Variants in ABCG2 observed in about 807,000 individuals in gnomAD.
ABCG2 encodes broad substrate specificity ATP-binding cassette transporter ABCG2.
Under a neutral mutation model 73.5 loss-of-function variants are expected in ABCG2, and 80 were observed. The ratio of observed to expected loss-of-function variants is 1.09; its 90% confidence interval spans 0.91 to 1.31. The LOEUF is 1.31. Among genes scored for constraint, ABCG2 ranks in the 50% most tolerant of loss-of-function variants. The probability of loss-of-function intolerance (pLI) is 0.00; values close to 1 mark genes in which losing one functional copy is unlikely to be tolerated. For synonymous variants in ABCG2, 269 were observed against 282.4 expected, an observed-to-expected ratio of 0.95 and a Z score of 0.48; for missense variants, 796 against 786.2, an observed-to-expected ratio of 1.01 and a Z score of -0.15.
rs904121565 is a variant in ABCG2, at chr4:88,178,768, A to G, written c.-19-38754T>C. 3.9e-5 allele frequency among the ~76,000 whole-genome samples: 6 copies of G among 152,168 alleles called. No homozygotes were observed. The East Asian group carries it at 5.8e-4, about 15-fold the overall frequency. On this transcript the variant is annotated intron_variant, in intron 1 of 15. Transcript: ENST00000515655. ...AACCCTGGGGCAGGCAGTACTTGCC[A>G]CAGGCCTGAGACAGTACTGGGCAGT...
intron 1 of ABCG2, among the ~76,000 whole-genome samples, chr4:88,141,677 G>A (rs999235866): frequency 2.0e-5 from 3 of 152,100 alleles, no homozygotes; most frequent in Non-Finnish European, 4.4e-5. Flanking sequence ...CCAGGCATCA[G>A]GAATCTCTCT....
At chr4:88,115,558 A>G (rs1723514853) in intron 7 of ABCG2, among the ~76,000 whole-genome samples, 1 of 150,280 alleles carries the variant, frequency 6.7e-6, no homozygotes, top group Admixed American at 6.7e-5. Flanking sequence ...TGCTGGGATT[A>G]CAGGCATGAG....
At chr4:88,110,813 C>CA (rs898340234) in intron 9 of ABCG2, among the ~76,000 whole-genome samples, 133 of 129,226 alleles carry the variant, frequency 1.0e-3, no homozygotes, top group Middle Eastern at 3.9e-3. Flanking sequence ...TGATCCTTTA[C>CA]AAAAAAAAAA....
chr4:88,134,314 A>T (rs951040314), intron 2 of ABCG2, among the ~76,000 whole-genome samples: 2 of 152,192 alleles, frequency 1.3e-5, no homozygotes, highest in African/African-American at 4.8e-5. Context: ...ACAATTGTAC[A>T]ATGGCTGGTG....
chr4:88,179,194 CAG>C (rs965831256), intron 1 of ABCG2, among the ~76,000 whole-genome samples: 22 of 152,204 alleles, frequency 1.4e-4, no homozygotes, highest in African/African-American at 5.1e-4. Flanking sequence ...CGGCTGAGCA[CAG>C]AGAGAGGGAG....
At chr4:88,099,926 T>C (rs992393514) in intron 11 of ABCG2, among the ~76,000 whole-genome samples, 2 of 152,146 alleles carry the variant, frequency 1.3e-5, no homozygotes, top group African/African-American at 4.8e-5. Flanking sequence ...CTCTTCTTAC[T>C]TCTTCTACTC....
At position 88,121,808 on chromosome 4, in the gene ABCG2, T is replaced by C. The variant is rs2231144; in HGVS notation, c.532-16A>G. ...GAGTTCCAACCTAAATCACAAATATTATAATTGTCAATGATAACAACCAGT... is the reference window on the plus strand; with the variant it reads ...GAGTTCCAACCTAAATCACAAATATCATAATTGTCAATGATAACAACCAGT... On this transcript the variant is annotated splice_polypyrimidine_tract_variant and intron_variant, in intron 5 of 15. Transcript: ENST00000237612. 0.041 allele frequency: 66,311 copies of C among 1,609,852 alleles called. 5,697 individuals carry two copies. Among genetic ancestry groups the C allele is most frequent in the African/African-American group, 0.33 (25,027 of 74,750 alleles).
At chr4:88,165,440 G>A (rs1161276948) in intron 1 of ABCG2, among the ~76,000 whole-genome samples, 2 of 152,158 alleles carry the variant, frequency 1.3e-5, no homozygotes, top group African/African-American at 4.8e-5. Flanking sequence ...CATCTTCAAA[G>A]CCAGCAGCAT....
intron 1 of ABCG2, among the ~76,000 whole-genome samples, chr4:88,219,652 G>A (rs1252290827): frequency 8.0e-6 from 1 of 124,676 alleles, no homozygotes; most frequent in Non-Finnish European, 1.6e-5. Context: ...CGCGATCTCC[G>A]CTCACTGCAA....
At chr4:88,147,827 G>A (rs943660075) in intron 1 of ABCG2, among the ~76,000 whole-genome samples, 2 of 152,190 alleles carry the variant, frequency 1.3e-5, no homozygotes, top group Non-Finnish European at 2.9e-5. Context: ...AATAGACTGA[G>A]CATGAAATTT....
chr4:88,115,234 C>CTCTCTCTCTGTCTG (rs1560674903), intron 7 of ABCG2, among the ~76,000 whole-genome samples, 176 bp from the exon 8 acceptor site: 1 of 45,858 alleles, frequency 2.2e-5, no homozygotes, highest in Non-Finnish European at 4.7e-5. Flanking sequence ...TATATTCAGT[C>CTCTCTCTCTGTCTG]TCTCTCTCTC....
In ABCG2 at chr4:88,194,411, A is replaced by G. The variant is rs1012610017; in HGVS notation, c.-20+36583T>C. Among the ~76,000 whole-genome samples the G allele has an allele frequency of 9.2e-5, 14 of 151,946 alleles. No individual in the cohort carries two copies. In the South Asian group the frequency reaches 1.0e-3, roughly 11 times the overall value. Reference sequence around the variant, plus strand: ...TAAAAATACAAAAAATTAGCAGGGCATGGTGGCAGGCGCCTGTAGTCCCAG... The same window carrying G: ...TAAAAATACAAAAAATTAGCAGGGCGTGGTGGCAGGCGCCTGTAGTCCCAG... On this transcript the variant is annotated intron_variant, in intron 1 of 15. Coordinates refer to the ABCG2 transcript ENST00000515655.
At position 88,211,583 on chromosome 4, in the gene ABCG2, A is replaced by AT. The variant is rs1347025060; in HGVS notation, c.-20+19410dup. ...CGGAGTACACCACCACACCTGGGTA[A>AT]TTTTTTTGTATTTTAAGTAGAGACG... On this transcript the variant is annotated intron_variant, in intron 1 of 15. Transcript: ENST00000515655. Among the ~76,000 whole-genome samples, 10 of 151,966 alleles carry AT rather than the reference A, an allele frequency of 6.6e-5. No individual in the cohort carries two copies. In the South Asian group the frequency reaches 1.0e-3, roughly 16 times the overall value.
upstream of ABCG2, chr4:88,159,244 G>A: frequency 2.2e-6 from 1 of 455,544 alleles, no homozygotes; most frequent in Non-Finnish European, 4.4e-6. Context: ...GTCACTGGCC[G>A]GAGCGCCGAA....
chr4:88,159,276 A>G, upstream of ABCG2: 2 of 454,222 alleles, frequency 4.4e-6, no homozygotes, highest in South Asian at 3.1e-5. Flanking sequence ...GCTGACGCAC[A>G]GGTTGCCCAG....
chr4:88,115,256 CTATA>C lies in ABCG2; in HGVS notation c.842-202_842-199del, dbSNP rs1553933372. ...AGTCTCTCTCTCTCTCTCTCTCTCT[CTATA>C]TATATATATATATATATATATATAA... On this transcript the variant is annotated intron_variant, in intron 7 of 15. Coordinates refer to ENST00000237612, the MANE Select transcript of ABCG2 (RefSeq NM_004827.3). 4.0e-3 allele frequency among the ~76,000 whole-genome samples: 276 copies of C among 69,870 alleles called. 12 individuals carry two copies. Among genetic ancestry groups the C allele is most frequent in the African/African-American group, 0.014 (257 of 17,744 alleles). 45.8% of individuals were successfully genotyped at this position (69,870 alleles called of 152,430 possible). A position where few individuals can be genotyped will look rare whatever the true frequency, so the allele number is the denominator to read the frequency against.
At chr4:88,128,795 T>C (rs565282799) in intron 5 of ABCG2, among the ~76,000 whole-genome samples, 32 of 152,216 alleles carry the variant, frequency 2.1e-4, no homozygotes, top group African/African-American at 6.7e-4. Context: ...AGGGATGGGA[T>C]AGCATTAGGA....
intron 1 of ABCG2, among the ~76,000 whole-genome samples, chr4:88,153,686 T>C (rs1726709936): frequency 6.6e-6 from 1 of 152,058 alleles, no homozygotes; most frequent in Non-Finnish European, 1.5e-5. Context: ...AGGGAAGATA[T>C]GACCGTCGTG....
Position 88,157,680 on chromosome 4 carries a change from T to C in ABCG2, c.-20+706A>G, listed in dbSNP as rs184442053. Among the ~76,000 whole-genome samples the C allele has an allele frequency of 5.8e-4, 88 of 152,068 alleles. 1 individual carries two copies. The highest frequency in any genetic ancestry group is 2.1e-3 in the African/African-American group (85 of 41,344). The stretch of plus-strand genomic sequence containing the variant: ...TGAAACCTTTCTCATCAAGATCTCA[T>C]CAAGATCTATACAATCCAGTCAAAG... On this transcript the variant is annotated intron_variant, in intron 1 of 15. Transcript: ENST00000237612.
Sources: gnomAD v4.1 joint callset for allele counts (sites outside exome capture counted in the v4.1 genomes callset) on GRCh38, gnomAD v4.1.1 for gene constraint, MANE v1.5 for transcripts, NCBI Gene and HGNC (gene_info 2026-07-23, HGNC 2026-07-21) for gene names.